Variants in RHEX observed in about 807,000 individuals in gnomAD.
RHEX encodes the protein regulator of hemoglobinization and erythroid cell expansion protein.
A neutral mutation model predicts 20.1 loss-of-function variants in RHEX; 18 were observed. The observed-to-expected ratio is 0.90, with a 90% CI of 0.62 to 1.33. RHEX has a LOEUF of 1.33. Among genes scored for constraint, RHEX ranks in the 40% most tolerant of loss-of-function variants. RHEX has a pLI of 0.00. For synonymous variants in RHEX, 87 were observed against 77.1 expected, an observed-to-expected ratio of 1.13 and a Z score of -0.67; for missense variants, 192 against 214.3, an observed-to-expected ratio of 0.90 and a Z score of 0.65.
chr1:206,059,050 C>T (rs1352363424), intron 1 of RHEX, among the ~76,000 whole-genome samples: 2 of 152,074 alleles, frequency 1.3e-5, no homozygotes, highest in African/African-American at 2.4e-5. Flanking sequence ...TCCCTCCTGC[C>T]GTAACAGGTG....
chr1:206,085,694 C>A (rs1662824547), intron 1 of RHEX, among the ~76,000 whole-genome samples: 1 of 152,144 alleles, frequency 6.6e-6, no homozygotes, highest in African/African-American at 2.4e-5. Flanking sequence ...AGTTGAGGCT[C>A]AAAGTTGCTC....
intron 1 of RHEX, among the ~76,000 whole-genome samples, chr1:206,084,895 CAAG>C (rs1662808384): frequency 1.3e-5 from 2 of 152,150 alleles, no homozygotes; most frequent in African/African-American, 4.8e-5. Context: ...TGAATCCTGA[CAAG>C]GAGGCAGGAA....
At chr1:206,095,938 C>T (rs572860939) in intron 1 of RHEX, among the ~76,000 whole-genome samples, 1 of 152,114 alleles carries the variant, frequency 6.6e-6, no homozygotes, top group East Asian at 1.9e-4. Context: ...GGTGATCCTC[C>T]CACCTCAGCC....
At chr1:206,071,206 G>T (rs1553284617) in intron 1 of RHEX, among the ~76,000 whole-genome samples, 1 of 152,166 alleles carries the variant, frequency 6.6e-6, no homozygotes, top group Non-Finnish European at 1.5e-5. Context: ...AAAAGCTGAA[G>T]AACTTGGAGT....
At chr1:206,063,817 G>A (rs1211748203) in intron 1 of RHEX, among the ~76,000 whole-genome samples, 2 of 151,142 alleles carry the variant, frequency 1.3e-5, no homozygotes, top group African/African-American at 2.4e-5. Context: ...CCGCCACCCC[G>A]TCTGGGAAGT....
chr1:206,067,345 T>C lies in RHEX; in HGVS notation c.-97+14080T>C, dbSNP rs189991334. On this transcript the variant is annotated intron_variant, in intron 1 of 5. Coordinates refer to ENST00000331555, the MANE Select transcript of RHEX (RefSeq NM_001007544.4). The surrounding 1 kb of genome is among the most constrained non-coding windows in gnomAD (Gnocchi z 4.6). The stretch of plus-strand genomic sequence containing the variant: ...CTGTCATCATCCTAGGAGATTTTAG[T>C]GGCAATGTAGATAGTTCTTCCTAGC... Among the ~76,000 whole-genome samples, 65 of 152,282 alleles carry C rather than the reference T, an allele frequency of 4.3e-4. No individual in the cohort carries two copies. Among genetic ancestry groups the C allele is most frequent in the Middle Eastern group, 3.4e-3 (1 of 294 alleles).
At chr1:206,100,282 C>T (rs933404032) in intron 4 of RHEX, among the ~76,000 whole-genome samples, 2 of 152,172 alleles carry the variant, frequency 1.3e-5, no homozygotes, top group Non-Finnish European at 1.5e-5. Flanking sequence ...AAATGTGAAT[C>T]TTGCTGCTGG....
chr1:206,097,853 A>G lies in RHEX; in HGVS notation c.11+14A>G, dbSNP rs1220543151. On this transcript the variant is annotated intron_variant, in intron 2 of 5. Coordinates refer to ENST00000331555, the MANE Select transcript of RHEX (RefSeq NM_001007544.4). ...CATGCTGACAGAGTGAGTGGGCCCA[A>G]CAAGAGCAGGAGCAAGGTTCCCACC... 66 of 1,575,554 alleles carry G rather than the reference A, an allele frequency of 4.2e-5. No homozygotes were observed. Among genetic ancestry groups the G allele is most frequent in the Non-Finnish European group, 5.3e-5 (61 of 1,144,724 alleles).
chr1:206,099,643 T>G lies in RHEX; in HGVS notation c.113-12T>G, dbSNP rs781826083. On this transcript the variant is annotated splice_polypyrimidine_tract_variant and intron_variant, in intron 3 of 5. Transcript: ENST00000331555. ...CAGTTTCCACTTTTGATCCCTGCCC[T>G]CTCCCTTCCAGCCCACAAGAGTGAA... The G allele has an allele frequency of 1.2e-5, 19 of 1,612,992 alleles. No individual in the cohort carries two copies. Among genetic ancestry groups the G allele is most frequent in the Non-Finnish European group, 1.5e-5 (18 of 1,179,700 alleles).
chr1:206,097,353 T>C (rs1046257126), intron 1 of RHEX, among the ~76,000 whole-genome samples: 1 of 151,770 alleles, frequency 6.6e-6, no homozygotes, highest in Non-Finnish European at 1.5e-5. Flanking sequence ...ACTGGATGCA[T>C]GGACGAATGG....
At chr1:206,077,537 G>A (rs929115132) in intron 1 of RHEX, among the ~76,000 whole-genome samples, 2 of 152,112 alleles carry the variant, frequency 1.3e-5, no homozygotes, top group Non-Finnish European at 2.9e-5. Flanking sequence ...TTTGGGAGGG[G>A]AAGGAGGGAG....
chr1:206,056,573 C>T (rs1457375743), intron 1 of RHEX: 1 of 152,266 alleles, frequency 6.6e-6, no homozygotes, highest in African/African-American at 2.4e-5. Flanking sequence ...GTATGTAGCC[C>T]AGGAAATAAC....
chr1:206,098,468 G>T, intron 3 of RHEX: 1 of 369,140 alleles, frequency 2.7e-6, no homozygotes, highest in Non-Finnish European at 5.0e-6. Context: ...ATGCCTACGA[G>T]GAAGTGCTCG....
At position 206,079,645 on chromosome 1, in the gene RHEX, T is replaced by C. The variant is rs541197611; in HGVS notation, c.-96-18088T>C. 6.6e-5 allele frequency among the ~76,000 whole-genome samples: 10 copies of C among 152,292 alleles called. No homozygotes were observed. The South Asian group carries it at 2.1e-3, about 32-fold the overall frequency. ...ATCTCAACTCACTGCAACCTCTGCC[T>C]GCTAGGTTCAAGCGAATCTCCTGCC... is the stretch of plus-strand genomic sequence containing the variant. On this transcript the variant is annotated intron_variant, in intron 1 of 5. Coordinates refer to ENST00000331555, the MANE Select transcript of RHEX (RefSeq NM_001007544.4).
At chr1:206,089,859 C>G (rs1662911741) in intron 1 of RHEX, among the ~76,000 whole-genome samples, 1 of 151,890 alleles carries the variant, frequency 6.6e-6, no homozygotes, top group African/African-American at 2.4e-5. Context: ...AAAGTTTTCT[C>G]TCATCTGGGG....
intron 2 of RHEX, 104 bp from the exon 3 acceptor site, chr1:206,097,977 C>T (rs886219538): frequency 7.7e-6 from 9 of 1,171,378 alleles, no homozygotes; most frequent in Middle Eastern, 1.9e-4. Context: ...CCCTGGGACA[C>T]GCAGCAATGC....
intron 1 of RHEX, chr1:206,083,565 G>A: frequency 2.0e-6 from 2 of 985,452 alleles, no homozygotes; most frequent in South Asian, 9.4e-5. Flanking sequence ...CTTCTGGGTA[G>A]GGGCTGGAGA....
At chr1:206,071,971 GC>G (rs1457038686) in intron 1 of RHEX, among the ~76,000 whole-genome samples, 4 of 152,176 alleles carry the variant, frequency 2.6e-5, no homozygotes, top group Non-Finnish European at 5.9e-5. Context: ...AAATCAGTAG[GC>G]GTATTTTGCC....
At position 206,060,004 on chromosome 1, in the gene RHEX, T is replaced by C. The variant is rs112823278; in HGVS notation, c.-97+6739T>C. Among the ~76,000 whole-genome samples, 243 of 152,286 alleles carry C rather than the reference T, an allele frequency of 1.6e-3. 2 individuals are homozygous for C. The highest frequency in any genetic ancestry group is 5.2e-3 in the African/African-American group (218 of 41,572). ...TGGTTATCTCTTTTTCTGGACCTCC[T>C]GTCATATCTGCTAACCCTTGGTAAG... On this transcript the variant is annotated intron_variant, in intron 1 of 5. Coordinates refer to ENST00000331555, the MANE Select transcript of RHEX (RefSeq NM_001007544.4).
Sources: allele counts gnomAD v4.1 joint callset (sites outside exome capture counted in the v4.1 genomes callset), GRCh38; gene constraint gnomAD v4.1.1; non-coding constraint Gnocchi (gnomAD v3.1); transcripts MANE v1.5; gene names NCBI Gene and HGNC (gene_info 2026-07-23, HGNC 2026-07-21).